RB1CC1: variants seen among roughly 807,000 people sequenced by gnomAD.
RB1CC1 encodes the protein RB1 inducible coiled-coil 1.
A neutral mutation model predicts 177.5 loss-of-function variants in RB1CC1; 46 were observed. The ratio of observed to expected loss-of-function variants is 0.26; its 90% confidence interval spans 0.20 to 0.33. RB1CC1 has a LOEUF of 0.33. RB1CC1 is among the 10% of genes least tolerant of loss of function. RB1CC1 has a pLI of 1.00. For missense variants in RB1CC1, 1,703 were observed against 1,816.3 expected (o/e 0.94, Z 1.13); for synonymous variants, 666 against 613.6 (o/e 1.09, Z -1.26).
intron 5 of RB1CC1, among the ~76,000 whole-genome samples, chr8:52,681,459 C>A (rs1029111767): frequency 1.3e-5 from 2 of 152,158 alleles, no homozygotes; most frequent in Non-Finnish European, 2.9e-5. Flanking sequence ...AGTAATCAGA[C>A]ATAAACTCAG....
At chr8:52,652,100 T>G (rs1211901758) in intron 15 of RB1CC1, among the ~76,000 whole-genome samples, 2 of 152,154 alleles carry the variant, frequency 1.3e-5, no homozygotes, top group African/African-American at 4.8e-5. Flanking sequence ...CAATCAAAAC[T>G]TAAGAGATTT....
chr8:52,710,340 C>T (rs985565535), intron 1 of RB1CC1, among the ~76,000 whole-genome samples: 1 of 152,084 alleles, frequency 6.6e-6, no homozygotes, highest in African/African-American at 2.4e-5. Flanking sequence ...AAGAATGAAG[C>T]GAGCATTTAG....
intron 1 of RB1CC1, among the ~76,000 whole-genome samples, chr8:52,712,626 T>C (rs1857154975): frequency 6.6e-6 from 1 of 151,706 alleles, no homozygotes; most frequent in Non-Finnish European, 1.5e-5. Flanking sequence ...AAGTTCAAAA[T>C]AGACTAAATA....
intron 1 of RB1CC1, among the ~76,000 whole-genome samples, chr8:52,699,562 A>C (rs1362999832): frequency 1.3e-5 from 2 of 150,942 alleles, no homozygotes; most frequent in South Asian, 4.2e-4. Context: ...TAATCCCAGC[A>C]CTTTGGAAGG....
At chr8:52,690,500 A>G (rs926041214) in intron 1 of RB1CC1, among the ~76,000 whole-genome samples, 5 of 152,226 alleles carry the variant, frequency 3.3e-5, no homozygotes, top group African/African-American at 1.2e-4. Context: ...AGTGGGTAGG[A>G]AGAACGACTT....
chr8:52,698,669 GGTTTTTTTTTTTTTTTTTTTTT>G, intron 1 of RB1CC1, among the ~76,000 whole-genome samples: 1 of 22,782 alleles, frequency 4.4e-5, no homozygotes, highest in African/African-American at 1.4e-4. Context: ...TGTAATGGTT[GGTTTTTTTTTTTTTTTTTTTTT>G]TTTTTTTTTT....
chr8:52,657,305 C>T lies in RB1CC1; in HGVS notation c.2524G>A (p.Val842Ile), dbSNP rs1297599422. ...TTTTCAATAATGTTTCTTATTTCTA[C>T]TGCTGTACATTTTAATGAATTTGAG... Reference protein sequence around the residue: ...DFSNSLKCTAVEIRNIIEKVK... With the variant: ...DFSNSLKCTAIEIRNIIEKVK... The change falls in exon 15 of 24, where the codon GTA becomes ATA. Residue 842 changes from valine to isoleucine, a missense_variant. Coordinates refer to ENST00000025008, the MANE Select transcript of RB1CC1 (RefSeq NM_014781.5). 1.9e-6 allele frequency: 3 copies of T among 1,610,240 alleles called. No individual in the cohort carries two copies. The highest frequency in any genetic ancestry group is 2.5e-6 in the Non-Finnish European group (3 of 1,176,648).
intron 3 of RB1CC1, among the ~76,000 whole-genome samples, chr8:52,684,400 G>GA (rs544390494): frequency 2.2e-4 from 33 of 151,480 alleles, no homozygotes; most frequent in East Asian, 7.7e-4. Context: ...ACTAATTCTG[G>GA]AAAAAAAATC....
At chr8:52,641,110 G>A (rs191013808) in intron 18 of RB1CC1, among the ~76,000 whole-genome samples, 205 of 151,998 alleles carry the variant, frequency 1.3e-3, no homozygotes, top group African/African-American at 4.8e-3. Context: ...CTGGCCGGGC[G>A]CGATGACTCA....
Position 52,661,098 on chromosome 8 carries a change from C to T in RB1CC1, c.1542G>A (p.Arg514=), listed in dbSNP as rs1309743208. The T allele has an allele frequency of 2.5e-6, 4 of 1,613,068 alleles. No homozygotes were observed. In the South Asian group the frequency reaches 4.4e-5, roughly 18 times the overall value. ...AAATAGAATTCAACTTGCATACCTCCCTGTAGTGTTTTATGAACATTTTTC... is the reference window on the plus strand; with the variant it reads ...AAATAGAATTCAACTTGCATACCTCTCTGTAGTGTTTTATGAACATTTTTC... ...VRRKMFIKHY[R]EWAGALVKDG... The change falls in exon 10 of 24, where the codon AGG becomes AGA. Residue 514 remains arginine, a synonymous_variant. Coordinates refer to ENST00000025008, the MANE Select transcript of RB1CC1 (RefSeq NM_014781.5).
At position 52,684,022 on chromosome 8, in the gene RB1CC1, A is replaced by C; in HGVS notation, c.72-9T>G. The C allele has an allele frequency of 6.2e-7, 1 of 1,608,044 alleles. No individual in the cohort carries two copies. Among genetic ancestry groups the C allele is most frequent in the Non-Finnish European group, 8.5e-7 (1 of 1,178,042 alleles). On this transcript the variant is annotated splice_polypyrimidine_tract_variant and intron_variant, in intron 3 of 23. Coordinates refer to ENST00000025008, the MANE Select transcript of RB1CC1 (RefSeq NM_014781.5). ...GCTTAAGGTCTGCCACACTTCAAAA[A>C]ATGAAATAAAATAAATCAGTTGTTT...
chr8:52,637,756 T>C (rs907137295), intron 18 of RB1CC1, among the ~76,000 whole-genome samples: 1 of 152,076 alleles, frequency 6.6e-6, no homozygotes, highest in African/African-American at 2.4e-5. Context: ...CTGCAACCTC[T>C]GCCTCCCAGG....
At chr8:52,633,196 G>A (rs538732307) in intron 20 of RB1CC1, among the ~76,000 whole-genome samples, 7 of 152,070 alleles carry the variant, frequency 4.6e-5, no homozygotes, top group East Asian at 1.9e-4. Context: ...AGGACCTCCC[G>A]AGGCTGTGTC....
At chr8:52,661,334 GTTAC>G (rs1851604840) in intron 9 of RB1CC1, 53 bp from the exon 10 acceptor site, 2 of 1,587,732 alleles carry the variant, frequency 1.3e-6, no homozygotes, top group East Asian at 2.2e-5. Context: ...TACTAACTTA[GTTAC>G]TTACTTAGTA....
rs982749999 is a variant in RB1CC1 at position 52,655,991 on chromosome 8, C to G, written c.3821+17G>C. 1.9e-6 allele frequency: 3 copies of G among 1,540,554 alleles called. No individual in the cohort carries two copies. The highest frequency in any genetic ancestry group is 2.7e-6 in the Non-Finnish European group (3 of 1,126,914). On this transcript the variant is annotated intron_variant, in intron 15 of 23. Coordinates refer to ENST00000025008, the MANE Select transcript of RB1CC1 (RefSeq NM_014781.5). ...GATATTTTAATTTTATAATTACAGA[C>G]TAAACTTAATTCTTACCTTTTTGCT...
intron 7 of RB1CC1, among the ~76,000 whole-genome samples, chr8:52,668,907 T>C (rs2150532252): frequency 6.6e-6 from 1 of 152,330 alleles, no homozygotes; most frequent in African/African-American, 2.4e-5. Context: ...TTCTACTGGT[T>C]CCTTCACAGC....
At chr8:52,660,541 A>T (rs1851521136) in intron 12 of RB1CC1, 55 bp downstream of exon 12, 20 of 1,431,960 alleles carry the variant, frequency 1.4e-5, no homozygotes, top group Non-Finnish European at 1.9e-5. Flanking sequence ...CTACTTCTGG[A>T]AAAAAGGTTT....
intron 1 of RB1CC1, among the ~76,000 whole-genome samples, chr8:52,708,715 T>A (rs1258988491): frequency 6.6e-6 from 1 of 152,166 alleles, no homozygotes; most frequent in Non-Finnish European, 1.5e-5. Context: ...TGAGGACATC[T>A]GGTCCTCCTA....
At chr8:52,635,308 C>T (rs1849049871) in intron 19 of RB1CC1, among the ~76,000 whole-genome samples, 1 of 152,144 alleles carries the variant, frequency 6.6e-6, no homozygotes, top group Non-Finnish European at 1.5e-5. Context: ...GCATCTGTAA[C>T]ATACATCTCA....
Sources: gnomAD v4.1 joint callset for allele counts (sites outside exome capture counted in the v4.1 genomes callset) on GRCh38, gnomAD v4.1.1 for gene constraint, MANE v1.5 for transcripts, NCBI Gene and HGNC (gene_info 2026-07-23, HGNC 2026-07-21) for gene names.